Variants in SANBR observed in about 807,000 individuals in gnomAD.
The protein encoded by SANBR is SANT and BTB domain regulator of class switch recombination.
In SANBR, 77 loss-of-function variants were observed where a neutral mutation model predicts 101.8. The observed-to-expected ratio is 0.76, with a 90% CI of 0.63 to 0.91. The LOEUF (loss-of-function observed/expected upper bound fraction) is 0.91, where lower values mean the gene tolerates loss of function less well. Ranked by LOEUF, SANBR falls within the 40% of genes least tolerant of loss-of-function variation. The probability of loss-of-function intolerance (pLI) is 0.00; values close to 1 mark genes in which losing one functional copy is unlikely to be tolerated. For synonymous variants in SANBR, 279 were observed against 274.7 expected (o/e 1.02, Z -0.15); for missense variants, 875 against 853.0 (o/e 1.03, Z -0.32).
downstream of SANBR, among the ~76,000 whole-genome samples, chr2:61,129,010 A>T (rs1412564168): frequency 6.6e-6 from 1 of 152,194 alleles, no homozygotes; most frequent in Non-Finnish European, 1.5e-5. Flanking sequence ...GTGCTCAAAG[A>T]AAAATCTGTC....
Position 61,123,217 on chromosome 2 carries a change from A to C in SANBR, c.*1055A>C. On this transcript the variant is annotated 3_prime_UTR_variant, in exon 22 of 22. Transcript: ENST00000402291. ...TTGTAAATTATATGTAGGTCTCTGAAAAACTTTAAGATGCACTGTTTCTAT... is the reference window on the plus strand; with the variant it reads ...TTGTAAATTATATGTAGGTCTCTGACAAACTTTAAGATGCACTGTTTCTAT... 1 of 975,350 alleles carries C rather than the reference A, an allele frequency of 1.0e-6. No individual in the cohort carries two copies. The highest frequency in any genetic ancestry group is 1.2e-6 in the Non-Finnish European group (1 of 820,636). The allele number at this position is 975,350 out of a possible 1,614,324, so 60.4% of individuals were successfully genotyped here.
At chr2:61,092,356 C>G in intron 10 of SANBR, 108 bp from the exon 11 acceptor site, 1 of 810,600 alleles carries the variant, frequency 1.2e-6, no homozygotes, top group East Asian at 3.6e-5. Flanking sequence ...TGCACTCCAG[C>G]CTGGGCAACA....
chr2:61,076,854 G>A (rs1471154804), intron 5 of SANBR, 66 bp from the exon 6 acceptor site: 5 of 1,106,974 alleles, frequency 4.5e-6, no homozygotes, highest in African/African-American at 1.6e-5. Flanking sequence ...TTCACTAAAT[G>A]TCAGTATTCT....
At position 61,070,520 on chromosome 2, in the gene SANBR, G is replaced by A. The variant is rs762657691; in HGVS notation, c.150+20G>A. 3.8e-5 allele frequency: 61 copies of A among 1,590,978 alleles called. No individual in the cohort carries two copies. The highest frequency in any genetic ancestry group is 4.6e-5 in the Non-Finnish European group (54 of 1,171,452). On this transcript the variant is annotated intron_variant, in intron 3 of 21. Coordinates refer to ENST00000402291, the MANE Select transcript of SANBR (RefSeq NM_001129993.3). ...AAAGAGGTAAATAACAGTCCCCCCA[G>A]AATATCTCCTGAAAATGTTCAGAAA...
chr2:61,088,391 AACAG>A lies in SANBR; in HGVS notation c.1013_1016del (p.Thr338LysfsTer24). 1 of 1,601,192 alleles carries A rather than the reference AACAG, an allele frequency of 6.2e-7. No homozygotes were observed. The highest frequency in any genetic ancestry group is 1.1e-5 in the South Asian group (1 of 87,882). Reference sequence around the variant, plus strand: ...TGTGTAAGAAACTTTTAACAAAAGAAACAGAAAGAAGAATTCCTTGCATTCCTGG... The same window carrying A: ...TGTGTAAGAAACTTTTAACAAAAGAAAAAGAAGAATTCCTTGCATTCCTGG... On this transcript the variant is annotated frameshift_variant, in exon 10 of 22. Transcript: ENST00000402291. LOFTEE classifies it high-confidence loss of function.
At chr2:61,134,469 T>C (rs939188614) in intron 21 of SANBR, among the ~76,000 whole-genome samples, 1 of 152,244 alleles carries the variant, frequency 6.6e-6, no homozygotes, top group African/African-American at 2.4e-5. Context: ...TTCATGAAGC[T>C]GCTGACCTCT....
intron 4 of SANBR, among the ~76,000 whole-genome samples, chr2:61,072,709 ATT>A (rs879590005): frequency 7.1e-6 from 1 of 141,746 alleles, no homozygotes. Flanking sequence ...AATTTCATGT[ATT>A]TTTTTTTTTA....
intron 1 of SANBR, among the ~76,000 whole-genome samples, chr2:61,068,192 C>CT (rs1300692983): frequency 6.6e-6 from 1 of 152,122 alleles, no homozygotes; most frequent in African/African-American, 2.4e-5. Flanking sequence ...TCTTCCAAGA[C>CT]TTTTTTCAAG....
At chr2:61,077,239 G>T in intron 6 of SANBR, 81 bp downstream of exon 6, 1 of 1,006,440 alleles carries the variant, frequency 9.9e-7, no homozygotes, top group Non-Finnish European at 1.5e-6. Context: ...GTGAAATGTG[G>T]AAAATTGTTT....
chr2:61,116,046 G>A lies in SANBR; in HGVS notation c.1812G>A (p.Gln604=). 1 of 1,609,614 alleles carries A rather than the reference G, an allele frequency of 6.2e-7. No homozygotes were observed. The highest frequency in any genetic ancestry group is 8.5e-7 in the Non-Finnish European group (1 of 1,178,642). Residue 604 remains glutamine, a synonymous_variant, in exon 17 of 22, where the codon CAG becomes CAA. Transcript: ENST00000402291. The part of the protein sequence containing the change: ...PKKQVSSPCA[Q]RKEKALEKSA... Reference sequence around the variant, plus strand: ...AGCAGGTATCTTCACCCTGTGCCCAGAGGAAAGAAAAGGCATTGGAGAAGG... The same window carrying A: ...AGCAGGTATCTTCACCCTGTGCCCAAAGGAAAGAAAAGGCATTGGAGAAGG...
At chr2:61,117,412 G>A (rs1005630660) in intron 18 of SANBR, 27 bp downstream of exon 18, 1 of 1,613,070 alleles carries the variant, frequency 6.2e-7, no homozygotes, top group Admixed American at 1.7e-5. Flanking sequence ...AATCCAATCG[G>A]ATATCCACTC....
At chr2:61,119,388 T>C (rs186006398) in intron 20 of SANBR, among the ~76,000 whole-genome samples, 23 of 152,316 alleles carry the variant, frequency 1.5e-4, no homozygotes, top group African/African-American at 5.3e-4. Flanking sequence ...TTCATCAGCA[T>C]TTAAAATTTC....
At chr2:61,081,532 A>T in intron 7 of SANBR, 22 bp downstream of exon 7, 2 of 1,525,684 alleles carry the variant, frequency 1.3e-6, no homozygotes, top group Non-Finnish European at 8.7e-7. Context: ...CTTAAAAAAA[A>T]TCAAAGTGCT....
At chr2:61,074,208 A>G (rs1457153227) in intron 5 of SANBR, among the ~76,000 whole-genome samples, 1 of 152,202 alleles carries the variant, frequency 6.6e-6, no homozygotes, top group Non-Finnish European at 1.5e-5. Flanking sequence ...TATATAATTC[A>G]TATGTCATAA....
chr2:61,083,430 TC>T, intron 8 of SANBR, 116 bp downstream of exon 8: 1 of 754,502 alleles, frequency 1.3e-6, no homozygotes, highest in Non-Finnish European at 2.1e-6. Flanking sequence ...AGGTTCTCAC[TC>T]TGTTGTTCAG....
At position 61,122,626 on chromosome 2, in the gene SANBR, G is replaced by C. The variant is rs1684379351; in HGVS notation, c.*464G>C. ...CAGGTTGTGTGACGAAATTCCCAAT[G>C]ATGCTAATTTTAAGTCTGCATGAAT... On this transcript the variant is annotated 3_prime_UTR_variant, in exon 22 of 22. Coordinates refer to ENST00000402291, the MANE Select transcript of SANBR (RefSeq NM_001129993.3). 1.0e-6 allele frequency: 1 copy of C among 987,046 alleles called. No homozygotes were observed. The highest frequency in any genetic ancestry group is 1.2e-6 in the Non-Finnish European group (1 of 831,066). 61.1% of individuals were successfully genotyped at this position (987,046 alleles called of 1,614,324 possible).
chr2:61,096,047 C>T (rs1683015093), intron 11 of SANBR, among the ~76,000 whole-genome samples: 1 of 152,150 alleles, frequency 6.6e-6, no homozygotes. Context: ...GGGTCTTTCT[C>T]CAGTCCCCTG....
At chr2:61,127,511 A>G (rs527410581), downstream of SANBR, among the ~76,000 whole-genome samples, 1 of 152,208 alleles carries the variant, frequency 6.6e-6, no homozygotes, top group Non-Finnish European at 1.5e-5. Flanking sequence ...TTATCTCAAC[A>G]GTATATTAAA....
intron 10 of SANBR, 105 bp downstream of exon 10, chr2:61,088,573 G>A: frequency 1.4e-6 from 1 of 725,134 alleles, no homozygotes. Context: ...AGGCTGGCGT[G>A]CAGTGGTGTG....
Sources: gnomAD v4.1 joint callset for allele counts (sites outside exome capture counted in the v4.1 genomes callset) on GRCh38, gnomAD v4.1.1 for gene constraint, MANE v1.5 for transcripts, NCBI Gene and HGNC (gene_info 2026-07-23, HGNC 2026-07-21) for gene names.